Variants in CHIC1 observed in about 807,000 individuals in gnomAD.
CHIC1 encodes cysteine-rich hydrophobic domain-containing protein 1.
In CHIC1, 7 loss-of-function variants were observed where a neutral mutation model predicts 18.5. That is an observed-to-expected ratio of 0.38 (90% CI 0.22 to 0.71). The LOEUF (loss-of-function observed/expected upper bound fraction) is 0.71. Among genes scored for constraint, CHIC1 ranks in the 30% least tolerant of loss-of-function variants. The pLI is 0.49. For synonymous variants in CHIC1, 77 were observed against 73.5 expected (o/e 1.05, Z -0.25); for missense variants, 159 against 176.9 (o/e 0.90, Z 0.57).
intron 3 of CHIC1, among the ~76,000 whole-genome samples, chrX:73,615,743 A>C (rs748323179): frequency 9.0e-6 from 1 of 111,308 alleles, no homozygotes; most frequent in Non-Finnish European, 1.9e-5. Context: ...GGTTTGGTAC[A>C]CAGCGGCAGG....
rs1366476931 is a variant in CHIC1, at chrX:73,644,338, C to T, written c.508-34988C>T. Reference sequence around the variant, plus strand: ...TTAGGCTGCTCGGGGGTCAGGGACCCACTTGAGGAGGCAGTCTGCCCGTTC... The same window carrying T: ...TTAGGCTGCTCGGGGGTCAGGGACCTACTTGAGGAGGCAGTCTGCCCGTTC... On this transcript the variant is annotated intron_variant, in intron 3 of 5. Transcript: ENST00000373502. Among the ~76,000 whole-genome samples the T allele has an allele frequency of 2.7e-5, 3 of 112,377 alleles. No homozygotes were observed. The Admixed American group carries it at 2.8e-4, about 11-fold the overall frequency.
At chrX:73,623,763 T>C (rs2057771385) in intron 3 of CHIC1, among the ~76,000 whole-genome samples, 1 of 112,009 alleles carries the variant, frequency 8.9e-6, no homozygotes. Flanking sequence ...TTTATAAAAC[T>C]GTTTTTATTT....
chrX:73,613,898 C>T (rs1048966090), intron 3 of CHIC1, among the ~76,000 whole-genome samples: 1 of 107,585 alleles, frequency 9.3e-6, no homozygotes, highest in Non-Finnish European at 1.9e-5. Context: ...TTGTGCTTTG[C>T]TGGTTTTCTA....
In CHIC1 at chrX:73,685,701, A is replaced by G. The variant is rs1331578569; in HGVS notation, c.*4696A>G. ...AGTGTGCTTTGAAGTTGACTGAAAG[A>G]TATACTGGATATCATAATTATATAA... On this transcript the variant is annotated 3_prime_UTR_variant, in exon 6 of 6. Transcript: ENST00000373502. 1.8e-5 allele frequency: 2 copies of G among 111,765 alleles called. No homozygotes were observed. Among genetic ancestry groups the G allele is most frequent in the Non-Finnish European group, 3.8e-5 (2 of 53,007 alleles). The allele number at this position is 111,765 out of a possible 1,213,427, so 9.2% of individuals were successfully genotyped here. A position where few individuals can be genotyped will look rare whatever the true frequency, so the allele number is the denominator to read the frequency against.
At chrX:73,658,796 G>A (rs769743543) in intron 3 of CHIC1, among the ~76,000 whole-genome samples, 2 of 112,044 alleles carry the variant, frequency 1.8e-5, no homozygotes, top group Non-Finnish European at 3.8e-5. Flanking sequence ...TCTTAACACT[G>A]CTTTAGCTGC....
At chrX:73,570,602 A>G (rs1184590574) in intron 1 of CHIC1, among the ~76,000 whole-genome samples, 2 of 111,260 alleles carry the variant, frequency 1.8e-5, no homozygotes, top group African/African-American at 3.3e-5. Context: ...TTAAGGTGGT[A>G]TTATTTTGTG....
At chrX:73,616,087 C>G (rs1290104676) in intron 3 of CHIC1, among the ~76,000 whole-genome samples, 1 of 110,497 alleles carries the variant, frequency 9.1e-6, no homozygotes, top group Non-Finnish European at 1.9e-5. Context: ...CCCCCTCCCC[C>G]CAGGCAGGAG....
intron 3 of CHIC1, among the ~76,000 whole-genome samples, chrX:73,667,486 G>A (rs1418205127): frequency 8.9e-6 from 1 of 111,934 alleles, no homozygotes; most frequent in Non-Finnish European, 1.9e-5. Flanking sequence ...AGTGGCTGAT[G>A]ACAGTTTTTC....
chrX:73,575,175 A>G (rs771733902), intron 1 of CHIC1, among the ~76,000 whole-genome samples: 2 of 110,484 alleles, frequency 1.8e-5, no homozygotes, highest in Non-Finnish European at 3.8e-5. Context: ...GGAACTTAAT[A>G]TAGGATAAAA....
At chrX:73,564,261 A>G (rs766920899) in intron 1 of CHIC1, among the ~76,000 whole-genome samples, 9 of 111,464 alleles carry the variant, frequency 8.1e-5, no homozygotes, top group Non-Finnish European at 1.5e-4. Context: ...TTCATCTCTA[A>G]AATGAAGGGT....
chrX:73,604,836 A>C (rs1306598925), intron 3 of CHIC1, among the ~76,000 whole-genome samples: 2 of 108,955 alleles, frequency 1.8e-5, no homozygotes, highest in African/African-American at 7.1e-5. Context: ...TGTTAATCCT[A>C]AGTTCTAATT....
At chrX:73,635,304 G>A (rs2057826880) in intron 3 of CHIC1, among the ~76,000 whole-genome samples, 1 of 111,491 alleles carries the variant, frequency 9.0e-6, no homozygotes, top group African/African-American at 3.3e-5. Flanking sequence ...GTGAATTTTT[G>A]CATCAGTATC....
chrX:73,633,319 G>GT (rs1157084420), intron 3 of CHIC1, among the ~76,000 whole-genome samples: 45 of 106,469 alleles, frequency 4.2e-4, no homozygotes, highest in African/African-American at 1.3e-3. Context: ...TTGATTGGCA[G>GT]TTTTTTTTTC....
intron 3 of CHIC1, among the ~76,000 whole-genome samples, chrX:73,638,576 T>C (rs2057841089): frequency 9.0e-6 from 1 of 111,269 alleles, no homozygotes; most frequent in Admixed American, 9.5e-5. Flanking sequence ...GTTTGTCATA[T>C]AGGTTAATGT....
At chrX:73,584,383 C>A (rs757314549) in intron 2 of CHIC1, 34 bp from the exon 3 acceptor site, 35 of 1,129,281 alleles carry the variant, frequency 3.1e-5, no homozygotes, top group Non-Finnish European at 3.8e-5. Flanking sequence ...TGAAAAGCTG[C>A]CCACAAACTG....
chrX:73,641,675 C>A (rs1414443920), intron 3 of CHIC1, among the ~76,000 whole-genome samples: 1 of 108,740 alleles, frequency 9.2e-6, no homozygotes, highest in Non-Finnish European at 1.9e-5. Flanking sequence ...CCCCTCCCCC[C>A]ACACCACAAC....
At chrX:73,639,805 T>C (rs1275541259) in intron 3 of CHIC1, among the ~76,000 whole-genome samples, 3 of 111,871 alleles carry the variant, frequency 2.7e-5, no homozygotes, top group African/African-American at 9.7e-5. Context: ...TGAATTGAAC[T>C]ACATTTCTGA....
intron 3 of CHIC1, 120 bp from the exon 4 acceptor site, chrX:73,679,206 C>G: frequency 6.5e-6 from 3 of 464,993 alleles, no homozygotes; most frequent in Non-Finnish European, 1.1e-5. Flanking sequence ...TTTCTCATTT[C>G]TAATAGAAAA....
intron 3 of CHIC1, among the ~76,000 whole-genome samples, chrX:73,610,301 C>A (rs1311619298): frequency 9.1e-6 from 1 of 109,353 alleles, no homozygotes; most frequent in Non-Finnish European, 1.9e-5. Flanking sequence ...TCCCTCACTG[C>A]TTCCCTTGGC....
Sources: allele counts gnomAD v4.1 joint callset (sites outside exome capture counted in the v4.1 genomes callset), GRCh38; gene constraint gnomAD v4.1.1; transcripts MANE v1.5; gene names NCBI Gene and HGNC (gene_info 2026-07-23, HGNC 2026-07-21).